NEGR1: variants seen among roughly 807,000 people sequenced by gnomAD.
The protein encoded by NEGR1 is neuronal growth regulator 1.
In NEGR1, 10 loss-of-function variants were observed where a neutral mutation model predicts 40.9. The ratio of observed to expected loss-of-function variants is 0.24; its 90% confidence interval spans 0.15 to 0.42. The LOEUF is 0.42. NEGR1 is among the 10% of genes least tolerant of loss of function. The pLI is 1.00. For missense variants in NEGR1, 352 were observed against 438.9 expected, an observed-to-expected ratio of 0.80 and a Z score of 1.77; for synonymous variants, 185 against 166.8, an observed-to-expected ratio of 1.11 and a Z score of -0.84.
intron 3 of NEGR1, among the ~76,000 whole-genome samples, chr1:71,730,183 G>T (rs1195093199): frequency 6.6e-6 from 1 of 152,038 alleles, no homozygotes; most frequent in Non-Finnish European, 1.5e-5. Context: ...ACTAGAACAT[G>T]TACAAGTTTT....
chr1:72,122,762 G>A (rs950608000), intron 1 of NEGR1, among the ~76,000 whole-genome samples: 4 of 151,752 alleles, frequency 2.6e-5, no homozygotes, highest in African/African-American at 7.3e-5. Context: ...TACTATCTAA[G>A]TGTACAAAAA....
At chr1:71,433,831 A>T (rs1646486076) in intron 6 of NEGR1, among the ~76,000 whole-genome samples, 1 of 152,248 alleles carries the variant, frequency 6.6e-6, no homozygotes, top group South Asian at 2.1e-4. Flanking sequence ...TAAGCTTCAA[A>T]GTTTATTGTT....
chr1:71,510,077 C>G (rs74088141), intron 6 of NEGR1, among the ~76,000 whole-genome samples: 1 of 152,072 alleles, frequency 6.6e-6, no homozygotes, highest in Non-Finnish European at 1.5e-5. Flanking sequence ...GAATTAATGA[C>G]CCATTAATGG....
At chr1:71,845,638 T>G (rs1160042960) in intron 2 of NEGR1, among the ~76,000 whole-genome samples, 1 of 152,186 alleles carries the variant, frequency 6.6e-6, no homozygotes, top group Non-Finnish European at 1.5e-5. Context: ...TTATCTCCAC[T>G]TTTAAACAAA....
At chr1:72,133,617 A>G (rs904959297) in intron 1 of NEGR1, among the ~76,000 whole-genome samples, 4 of 151,968 alleles carry the variant, frequency 2.6e-5, no homozygotes, top group African/African-American at 9.6e-5. Context: ...TTGAACTAAA[A>G]TCAATGTTTA....
At chr1:71,854,841 C>T (rs139509973) in intron 2 of NEGR1, among the ~76,000 whole-genome samples, 9 of 152,236 alleles carry the variant, frequency 5.9e-5, no homozygotes, top group African/African-American at 1.9e-4. Context: ...AATTACCTTC[C>T]ACCAGGTCCG....
chr1:71,413,772 G>A (rs1646338474), intron 6 of NEGR1, among the ~76,000 whole-genome samples: 2 of 152,068 alleles, frequency 1.3e-5, no homozygotes, highest in Admixed American at 6.5e-5. Context: ...GTTGTCAACA[G>A]GAAGATCCAC....
intron 1 of NEGR1, among the ~76,000 whole-genome samples, chr1:72,146,196 A>G (rs1650902771): frequency 1.3e-5 from 2 of 152,174 alleles, no homozygotes; most frequent in African/African-American, 4.8e-5. Context: ...AATGCCCCAA[A>G]TGCACTGAAA....
At chr1:71,789,525 T>C (rs1342175456) in intron 2 of NEGR1, among the ~76,000 whole-genome samples, 1 of 152,078 alleles carries the variant, frequency 6.6e-6, no homozygotes, top group Non-Finnish European at 1.5e-5. Flanking sequence ...AATATTAATA[T>C]ATTGAAAGTG....
chr1:71,928,125 TAC>T lies in NEGR1; in HGVS notation c.409+6952_409+6953del, dbSNP rs1255762374. Among the ~76,000 whole-genome samples, 6 of 8,066 alleles carry T rather than the reference TAC, an allele frequency of 7.4e-4. 2 individuals carry two copies. The highest frequency in any genetic ancestry group is 2.8e-3 in the African/African-American group (4 of 1,446). 5.3% of individuals were successfully genotyped at this position (8,066 alleles called of 152,430 possible). ...ATGTATATATACACATATGTATATATACACACATATGTATATATACACACATA... is the reference window on the plus strand; with the variant it reads ...ATGTATATATACACATATGTATATATACACATATGTATATATACACACATA... On this transcript the variant is annotated intron_variant, in intron 2 of 6. Transcript: ENST00000357731.
chr1:71,446,983 C>G (rs1646586803), intron 6 of NEGR1, among the ~76,000 whole-genome samples: 1 of 152,194 alleles, frequency 6.6e-6, no homozygotes, highest in Non-Finnish European at 1.5e-5. Flanking sequence ...GGAGTTCATT[C>G]ATTCTTATTA....
At chr1:71,833,336 C>A (rs1020307448) in intron 2 of NEGR1, among the ~76,000 whole-genome samples, 1 of 151,994 alleles carries the variant, frequency 6.6e-6, no homozygotes, top group Non-Finnish European at 1.5e-5. Context: ...CTGAGTTAGA[C>A]ACTATTGTTT....
At chr1:71,823,073 T>C (rs1320202565) in intron 2 of NEGR1, among the ~76,000 whole-genome samples, 1 of 151,952 alleles carries the variant, frequency 6.6e-6, no homozygotes, top group Admixed American at 6.6e-5. Context: ...GGGGTGGCAT[T>C]CCTAATGTAC....
At chr1:71,768,498 C>T (rs763396846) in intron 3 of NEGR1, among the ~76,000 whole-genome samples, 1 of 152,138 alleles carries the variant, frequency 6.6e-6, no homozygotes, top group African/African-American at 2.4e-5. Context: ...TACGCAATGC[C>T]TATACCCCAT....
chr1:71,606,717 G>A (rs1007706425), intron 5 of NEGR1, among the ~76,000 whole-genome samples: 1 of 150,670 alleles, frequency 6.6e-6, no homozygotes, highest in African/African-American at 2.4e-5. Flanking sequence ...CAGTAAATGA[G>A]ATAAAAGAAT....
At chr1:72,194,007 G>A (rs1652913340) in intron 1 of NEGR1, among the ~76,000 whole-genome samples, 1 of 151,604 alleles carries the variant, frequency 6.6e-6, no homozygotes, top group South Asian at 2.1e-4. Context: ...CATTCAATGA[G>A]CAACAACTTT....
intron 2 of NEGR1, among the ~76,000 whole-genome samples, chr1:71,910,904 C>T (rs943634418): frequency 7.2e-5 from 11 of 151,984 alleles, no homozygotes; most frequent in Non-Finnish European, 1.5e-5. Context: ...CACCATGTTG[C>T]CCAGGCTGGT....
At chr1:71,511,610 T>C (rs896926582) in intron 6 of NEGR1, among the ~76,000 whole-genome samples, 1 of 152,240 alleles carries the variant, frequency 6.6e-6, no homozygotes, top group Non-Finnish European at 1.5e-5. Flanking sequence ...TTTTTACTTA[T>C]TGATTCTATG....
rs560018432 is a variant in NEGR1, at chr1:71,692,742, A to G, written c.667+5266T>C. The stretch of plus-strand genomic sequence containing the variant: ...TGTTTGGAGCTAGTTATATTGGAAG[A>G]TAACGTGCATATTTGCATAAATGAA... On this transcript the variant is annotated intron_variant, in intron 4 of 6. Transcript: ENST00000357731. 3.9e-5 allele frequency among the ~76,000 whole-genome samples: 6 copies of G among 152,000 alleles called. No homozygotes were observed. The East Asian group carries it at 7.7e-4, about 20-fold the overall frequency.
Sources: gnomAD v4.1 joint callset for allele counts (sites outside exome capture counted in the v4.1 genomes callset) on GRCh38, gnomAD v4.1.1 for gene constraint, MANE v1.5 for transcripts, NCBI Gene and HGNC (gene_info 2026-07-23, HGNC 2026-07-21) for gene names.